The following PCDHGB3 variants were observed in gnomAD, a reference collection of about 807,000 sequenced individuals.
The protein encoded by PCDHGB3 is protocadherin gamma subfamily B, 3.
Under a neutral mutation model 59.2 loss-of-function variants are expected in PCDHGB3, and 40 were observed. The ratio of observed to expected loss-of-function variants is 0.68; its 90% CI spans 0.52 to 0.88. The LOEUF is 0.88. Ranked by LOEUF, PCDHGB3 falls within the 40% of genes least tolerant of loss-of-function variation. PCDHGB3 has a pLI of 0.00. For synonymous variants in PCDHGB3, 581 were observed against 503.6 expected (o/e 1.15, Z -2.06); for missense variants, 1,309 against 1,187.9 (o/e 1.10, Z -1.50).
chr5:141,398,040 C>T (rs569692941), intron 1 of PCDHGB3: 5 of 1,485,976 alleles, frequency 3.4e-6, no homozygotes, highest in East Asian at 4.8e-5. Context: ...AACTAAAGCC[C>T]GTTCGGAGAT....
rs1245526846 is a variant in PCDHGB3, at chr5:141,512,505, C to T, written c.*1332C>T. ...GCCACTGCCCAGGTCCCCAGTGCGCCCCCTAGTGGCCATAGCCTGGTTAAA... is the reference window on the plus strand; with the variant it reads ...GCCACTGCCCAGGTCCCCAGTGCGCTCCCTAGTGGCCATAGCCTGGTTAAA... On this transcript the variant is annotated 3_prime_UTR_variant, in exon 4 of 4. Transcript: ENST00000576222. The T allele has an allele frequency of 1.3e-5, 2 of 152,888 alleles. No individual in the cohort carries two copies. The highest frequency in any genetic ancestry group is 4.8e-5 in the African/African-American group (2 of 41,466). 9.5% of individuals were successfully genotyped at this position (152,888 alleles called of 1,614,324 possible). A position where few individuals can be genotyped will look rare whatever the true frequency, so the allele number is the denominator to read the frequency against.
chr5:141,415,599 C>G (rs201075690), intron 1 of PCDHGB3: 321 of 1,613,514 alleles, frequency 2.0e-4, no homozygotes, highest in South Asian at 6.6e-4. Context: ...TAGAGGATAC[C>G]CCATTGGTTC....
chr5:141,478,352 G>T lies in PCDHGB3; in HGVS notation c.2416-16455G>T, dbSNP rs767743120. 36 of 1,613,674 alleles carry T rather than the reference G, an allele frequency of 2.2e-5. No homozygotes were observed. Among genetic ancestry groups the T allele is most frequent in the Non-Finnish European group, 3.1e-5 (36 of 1,180,016 alleles). On this transcript the variant is annotated intron_variant, in intron 1 of 3. Transcript: ENST00000576222. ...ACCAGGGCCCTCCTTGCACGCGGACGCCGTGCGGGGAGGCCTGATGTCGCC... is the reference window on the plus strand; with the variant it reads ...ACCAGGGCCCTCCTTGCACGCGGACTCCGTGCGGGGAGGCCTGATGTCGCC...
intron 1 of PCDHGB3, chr5:141,404,176 A>G (rs763166170): frequency 7.4e-6 from 12 of 1,613,206 alleles, no homozygotes; most frequent in South Asian, 2.2e-5. Context: ...TGACGGCCCA[A>G]ATTCTTGACC....
At chr5:141,459,490 T>C (rs2098968649) in intron 1 of PCDHGB3, among the ~76,000 whole-genome samples, 1 of 152,236 alleles carries the variant, frequency 6.6e-6, no homozygotes, top group Non-Finnish European at 1.5e-5. Context: ...TATTCTGAAT[T>C]AAAGTGATGT....
Position 141,485,168 on chromosome 5 carries a change from G to A in PCDHGB3, c.2416-9639G>A. The A allele has an allele frequency of 6.2e-7, 1 of 1,608,668 alleles. No individual in the cohort carries two copies. Among genetic ancestry groups the A allele is most frequent in the Non-Finnish European group, 8.5e-7 (1 of 1,175,736 alleles). ...GGAGCAAGTAGAGAATTAGCGGGCG[G>A]CAGCAATGCTCCGCAAGGTGAGAAG... is the stretch of plus-strand genomic sequence containing the variant. On this transcript the variant is annotated intron_variant, in intron 1 of 3. Coordinates refer to ENST00000576222, the MANE Select transcript of PCDHGB3 (RefSeq NM_018924.5). This position sits in a 1 kb window ranked among gnomAD's most constrained non-coding sequence, Gnocchi z 5.7.
chr5:141,476,986 C>A lies in PCDHGB3; in HGVS notation c.2416-17821C>A. ...CCTTCGGCAGCCACAACCGCGCCGG[C>A]GTGCGGCAACTATTCGCCTTAGACC... On this transcript the variant is annotated intron_variant, in intron 1 of 3. Transcript: ENST00000576222. The surrounding 1 kb of genome is among the most constrained non-coding windows in gnomAD (Gnocchi z 7.6). 6.2e-7 allele frequency: 1 copy of A among 1,614,218 alleles called. No individual in the cohort carries two copies. The highest frequency in any genetic ancestry group is 8.5e-7 in the Non-Finnish European group (1 of 1,180,042).
chr5:141,481,691 C>T (rs929210528), intron 1 of PCDHGB3, among the ~76,000 whole-genome samples: 7 of 152,080 alleles, frequency 4.6e-5, no homozygotes, highest in African/African-American at 1.4e-4. Flanking sequence ...TGGTGGCTCA[C>T]GCCTGTAATC....
intron 1 of PCDHGB3, chr5:141,374,609 A>T (rs1189289267): frequency 1.9e-6 from 3 of 1,613,652 alleles, no homozygotes; most frequent in Non-Finnish European, 2.5e-6. Context: ...CAGTGGTAAT[A>T]GTCACTTCTC....
At chr5:141,444,578 C>G (rs1030770037) in intron 1 of PCDHGB3, among the ~76,000 whole-genome samples, 1 of 152,134 alleles carries the variant, frequency 6.6e-6, no homozygotes, top group Non-Finnish European at 1.5e-5. Context: ...TTGACTCTTC[C>G]TTTCTACTTA....
chr5:141,408,316 G>T (rs1407149479), intron 1 of PCDHGB3: 2 of 1,613,750 alleles, frequency 1.2e-6, no homozygotes, highest in African/African-American at 1.3e-5. Flanking sequence ...ACTCGATTCC[G>T]GAGGAGCTGG....
In PCDHGB3 at chr5:141,476,650, A is replaced by G. The variant is rs2099395609; in HGVS notation, c.2416-18157A>G. 6.2e-7 allele frequency: 1 copy of G among 1,614,126 alleles called. No individual in the cohort carries two copies. The highest frequency in any genetic ancestry group is 1.3e-5 in the African/African-American group (1 of 74,952). On this transcript the variant is annotated intron_variant, in intron 1 of 3. Transcript: ENST00000576222. This position sits in a 1 kb window ranked among gnomAD's most constrained non-coding sequence, Gnocchi z 7.6. Reference sequence around the variant, plus strand: ...AAACCTATGAGCTGAGCCGAAATGAATACTTTGCGCTTCGCGTGCAGACGC... The same window carrying G: ...AAACCTATGAGCTGAGCCGAAATGAGTACTTTGCGCTTCGCGTGCAGACGC...
chr5:141,374,179 C>G, intron 1 of PCDHGB3: 1 of 1,613,664 alleles, frequency 6.2e-7, no homozygotes, highest in East Asian at 2.2e-5. Flanking sequence ...CGCAGATCCG[C>G]TACTCTATTC....
At chr5:141,375,949 C>T (rs759212599) in intron 1 of PCDHGB3, 36 of 1,613,450 alleles carry the variant, frequency 2.2e-5, no homozygotes, top group African/African-American at 2.7e-5. Flanking sequence ...TGGGCCTGCA[C>T]ACGGGCGAGG....
chr5:141,409,082 T>C (rs1332697516), intron 1 of PCDHGB3: 6 of 1,613,878 alleles, frequency 3.7e-6, no homozygotes, highest in African/African-American at 1.3e-5. Context: ...TATGTTCTCA[T>C]TGGATGAGAA....
At chr5:141,402,993 T>C (rs762604393) in intron 1 of PCDHGB3, 3 of 1,613,752 alleles carry the variant, frequency 1.9e-6, no homozygotes, top group Non-Finnish European at 2.5e-6. Context: ...GGAAGATTAG[T>C]CCTGCTATGC....
chr5:141,431,617 C>A lies in PCDHGB3; in HGVS notation c.2415+58808C>A. ...GGTATTCCTTCCGGTATGTGGACGA[C>A]AAGGCGGCCCAAGTTTTCAAACTAG... On this transcript the variant is annotated intron_variant, in intron 1 of 3. Coordinates refer to ENST00000576222, the MANE Select transcript of PCDHGB3 (RefSeq NM_018924.5). This position sits in a 1 kb window ranked among gnomAD's most constrained non-coding sequence, Gnocchi z 4.8. 6.2e-7 allele frequency: 1 copy of A among 1,614,236 alleles called. No homozygotes were observed. Among genetic ancestry groups the A allele is most frequent in the Non-Finnish European group, 8.5e-7 (1 of 1,180,044 alleles).
At chr5:141,430,217 T>C (rs1055487905) in intron 1 of PCDHGB3, among the ~76,000 whole-genome samples, 1 of 150,102 alleles carries the variant, frequency 6.7e-6, no homozygotes, top group Non-Finnish European at 1.5e-5. Context: ...TATTATATTA[T>C]ATGATTTGTC....
chr5:141,413,036 T>TGGGCTGCA, intron 1 of PCDHGB3: 1 of 805,900 alleles, frequency 1.2e-6, no homozygotes, highest in Non-Finnish European at 1.9e-6. Flanking sequence ...AACCGGCTGC[T>TGGGCTGCA]GGGCTGCAGG....
Sources: gnomAD v4.1 joint callset for allele counts (sites outside exome capture counted in the v4.1 genomes callset) on GRCh38, gnomAD v4.1.1 for gene constraint, Gnocchi (gnomAD v3.1) non-coding constraint, MANE v1.5 for transcripts, NCBI Gene and HGNC (gene_info 2026-07-23, HGNC 2026-07-21) for gene names.